PI4KB: variants seen among roughly 807,000 people sequenced by gnomAD.
PI4KB encodes the protein PtdIns 4-kinase beta.
PI4KB carries 23 observed loss-of-function variants against 81.4 expected under a neutral mutation model. The observed-to-expected ratio is 0.28, with a 90% CI of 0.20 to 0.40. PI4KB has a LOEUF of 0.40. PI4KB is among the 10% of genes least tolerant of loss of function. The pLI is 1.00. For synonymous variants in PI4KB, 381 were observed against 406.8 expected, an observed-to-expected ratio of 0.94 and a Z score of 0.76; for missense variants, 651 against 1,036.6, an observed-to-expected ratio of 0.63 and a Z score of 5.11.
At chr1:151,316,608 C>A in intron 1 of PI4KB, 99 bp from the exon 2 acceptor site, 1 of 734,540 alleles carries the variant, frequency 1.4e-6, no homozygotes, top group Non-Finnish European at 2.1e-6. Flanking sequence ...ATGACACCTT[C>A]CCAGGCACCT....
chr1:151,316,507 A>T lies in PI4KB; in HGVS notation c.-26T>A. On this transcript the variant is annotated splice_region_variant and 5_prime_UTR_variant, in exon 2 of 12. Coordinates refer to ENST00000368873, the MANE Select transcript of PI4KB (RefSeq NM_001369623.2). ...GGCCACAGCCAGACTTCGAGCTTCC[A>T]AGCTACAGGAAGAGGGAGGGAGAAA... 1 of 1,508,830 alleles carries T rather than the reference A, an allele frequency of 6.6e-7. No homozygotes were observed. Among genetic ancestry groups the T allele is most frequent in the Non-Finnish European group, 8.9e-7 (1 of 1,128,664 alleles). 93.5% of individuals were successfully genotyped at this position (1,508,830 alleles called of 1,614,324 possible). A position where few individuals can be genotyped will look rare whatever the true frequency, so the allele number is the denominator to read the frequency against.
In PI4KB at chr1:151,316,197, G is replaced by A; in HGVS notation, c.285C>T (p.Ala95=). 1.2e-6 allele frequency: 2 copies of A among 1,614,082 alleles called. No individual in the cohort carries two copies. The highest frequency in any genetic ancestry group is 1.7e-5 in the Admixed American group (1 of 60,002). The change falls in exon 2 of 12, where the codon GCC becomes GCT. Residue 95 remains alanine (A), a synonymous_variant. Transcript: ENST00000368873. ...SEIRCLDDPP[A]QIREEEDEMG... is the part of the protein sequence containing the mutation. ...TCTCATCTTCCTCCTCCCTGATCTG[G>A]GCAGGTGGATCATCTAGGCAACGGA...
At chr1:151,308,767 T>A (rs771392074) in intron 3 of PI4KB, among the ~76,000 whole-genome samples, 4 of 152,208 alleles carry the variant, frequency 2.6e-5, no homozygotes, top group Non-Finnish European at 5.9e-5. Context: ...AGGGGCATTT[T>A]ATCAAGACAG....
chr1:151,308,529 G>A (rs1257536028), intron 3 of PI4KB, among the ~76,000 whole-genome samples: 1 of 152,156 alleles, frequency 6.6e-6, no homozygotes, highest in Non-Finnish European at 1.5e-5. Context: ...TGGCCCTGAA[G>A]GCCTGTCTCT....
intron 7 of PI4KB, 35 bp from the exon 8 acceptor site, chr1:151,302,002 A>C: frequency 6.2e-7 from 1 of 1,612,428 alleles, no homozygotes; most frequent in Non-Finnish European, 8.5e-7. Flanking sequence ...TCAAAGGTTG[A>C]TGCCAGGGTG....
At chr1:151,324,713 CAG>C in intron 1 of PI4KB, 1 of 980,412 alleles carries the variant, frequency 1.0e-6, no homozygotes, top group Non-Finnish European at 1.2e-6. Context: ...GCTACTGAAA[CAG>C]ATGGCAAAGA....
intron 11 of PI4KB, chr1:151,293,470 G>A (rs1479696439): frequency 1.7e-6 from 2 of 1,211,144 alleles, no homozygotes; most frequent in South Asian, 1.5e-5. Context: ...AACCTGTGGG[G>A]TAGGGGCAGG....
chr1:151,299,981 A>G (rs1210732290), intron 8 of PI4KB, among the ~76,000 whole-genome samples: 1 of 152,224 alleles, frequency 6.6e-6, no homozygotes, highest in Non-Finnish European at 1.5e-5. Context: ...AAGTTTGAAT[A>G]ATGGATATAT....
intron 1 of PI4KB, chr1:151,324,832 C>T (rs1649382598): frequency 1.0e-6 from 1 of 985,004 alleles, no homozygotes; most frequent in Non-Finnish European, 1.2e-6. Flanking sequence ...TTGAAGGGTT[C>T]CTCCCAAACC....
At chr1:151,310,059 T>C in intron 3 of PI4KB, 152 bp downstream of exon 3, 1 of 631,794 alleles carries the variant, frequency 1.6e-6, no homozygotes, top group Non-Finnish European at 2.9e-6. Context: ...CCAGCAGATC[T>C]GGGAGGTCTG....
intron 5 of PI4KB, among the ~76,000 whole-genome samples, chr1:151,304,343 GTTTTTTTT>G (rs587741967): frequency 7.4e-6 from 1 of 135,278 alleles, no homozygotes; most frequent in Non-Finnish European, 1.6e-5. Context: ...CTGGCTGTGT[GTTTTTTTT>G]TTTTTTTTTT....
At chr1:151,326,840 T>C (rs1649676980) in intron 1 of PI4KB, among the ~76,000 whole-genome samples, 1 of 149,192 alleles carries the variant, frequency 6.7e-6, no homozygotes, top group South Asian at 2.1e-4. Flanking sequence ...AGTGCTGGAG[T>C]TGCACAGGGA....
In PI4KB at chr1:151,301,938, T is replaced by C. The variant is rs1695322662; in HGVS notation, c.1655A>G (p.His552Arg). 15 of 1,613,724 alleles carry C rather than the reference T, an allele frequency of 9.3e-6. No homozygotes were observed. The highest frequency in any genetic ancestry group is 4.5e-5 in the East Asian group (2 of 44,898). ...TGACAGGAGCCGCCAATTGGGGAGA[T>C]GGCCGTAGGGGGAGCCCTCTCTGAT... The part of the protein sequence containing the change: ...RRIREGSPYG[H>R]LPNWRLLSVI... Residue 552 changes from histidine (H) to arginine (R), a missense_variant, in exon 8 of 12, where the codon CAT (histidine) becomes CGT (arginine). Transcript: ENST00000368873.
intron 1 of PI4KB, among the ~76,000 whole-genome samples, chr1:151,322,601 TTA>T (rs1281773675): frequency 1.3e-5 from 2 of 152,216 alleles, no homozygotes; most frequent in African/African-American, 4.8e-5. Flanking sequence ...TCTGATATTT[TTA>T]TGTTCTTATA....
chr1:151,314,756 T>A (rs1647654646), intron 2 of PI4KB, among the ~76,000 whole-genome samples: 1 of 152,140 alleles, frequency 6.6e-6, no homozygotes. Flanking sequence ...CAGAGGGTAG[T>A]GAAAAGGGAT....
intron 1 of PI4KB, among the ~76,000 whole-genome samples, chr1:151,325,940 G>A (rs1464287896): frequency 6.6e-6 from 1 of 152,106 alleles, no homozygotes; most frequent in East Asian, 1.9e-4. Context: ...CTGAACCCAG[G>A]AGTCCCGATT....
chr1:151,325,665 T>C (rs1205109646), intron 1 of PI4KB, among the ~76,000 whole-genome samples: 1 of 152,174 alleles, frequency 6.6e-6, no homozygotes, highest in East Asian at 1.9e-4. Flanking sequence ...GGAGCTTGTC[T>C]TTCAAAATGA....
At chr1:151,302,995 GTTTTTTT>G (rs775167343) in intron 6 of PI4KB, among the ~76,000 whole-genome samples, 20 of 107,140 alleles carry the variant, frequency 1.9e-4, no homozygotes, top group South Asian at 3.1e-4. Context: ...GTGCTTTCTT[GTTTTTTT>G]TTTTTTTTTT....
At chr1:151,319,033 C>T (rs1648448875) in intron 1 of PI4KB, among the ~76,000 whole-genome samples, 1 of 152,176 alleles carries the variant, frequency 6.6e-6, no homozygotes, top group African/African-American at 2.4e-5. Context: ...TTCAGCCTTT[C>T]AGAAATGTGC....
Sources: gnomAD v4.1 joint callset for allele counts (sites outside exome capture counted in the v4.1 genomes callset) on GRCh38, gnomAD v4.1.1 for gene constraint, MANE v1.5 for transcripts, NCBI Gene and HGNC (gene_info 2026-07-23, HGNC 2026-07-21) for gene names.